Variants in LUZP2 observed in about 807,000 individuals in gnomAD.
The protein encoded by LUZP2 is leucine zipper protein 2.
A neutral mutation model predicts 51.6 loss-of-function variants in LUZP2; 52 were observed. That is an observed-to-expected ratio of 1.01 (90% CI 0.81 to 1.27). LUZP2 has a LOEUF of 1.27. Among genes scored for constraint, LUZP2 ranks in the 50% most tolerant of loss-of-function variants. The pLI is 0.00. For synonymous variants in LUZP2, 154 were observed against 137.3 expected (o/e 1.12, Z -0.85); for missense variants, 436 against 395.4 (o/e 1.10, Z -0.87).
chr11:25,014,710 C>G (rs1461733908), intron 9 of LUZP2, among the ~76,000 whole-genome samples: 3 of 152,166 alleles, frequency 2.0e-5, no homozygotes, highest in Admixed American at 2.0e-4. Flanking sequence ...TACCTGTTCA[C>G]TCTGATGGTA....
chr11:24,800,771 A>T (rs1849674654), intron 5 of LUZP2, among the ~76,000 whole-genome samples: 1 of 152,158 alleles, frequency 6.6e-6, no homozygotes, highest in Non-Finnish European at 1.5e-5. Flanking sequence ...AAAGTTAAGA[A>T]AACATAAGAA....
intron 1 of LUZP2, among the ~76,000 whole-genome samples, chr11:24,665,653 C>T (rs554486325): frequency 2.0e-5 from 3 of 152,160 alleles, no homozygotes; most frequent in East Asian, 1.9e-4. Context: ...GTCATGCGCT[C>T]GGATGGTTTT....
rs1376984967 is a variant in LUZP2 at position 24,543,708 on chromosome 11, C to T, written c.62+46403C>T. 3.3e-5 allele frequency among the ~76,000 whole-genome samples: 5 copies of T among 150,100 alleles called. No individual in the cohort carries two copies. In the East Asian group the frequency reaches 9.9e-4, roughly 30 times the overall value. On this transcript the variant is annotated intron_variant, in intron 1 of 11. Transcript: ENST00000336930. ...TGGTGGTGCGTGACTGTAATCCCAG[C>T]TACTCAGGAAGCTGAGGCAGGAGAA...
intron 5 of LUZP2, among the ~76,000 whole-genome samples, chr11:24,798,880 C>A (rs748234477): frequency 1.5e-4 from 23 of 152,060 alleles, no homozygotes; most frequent in African/African-American, 5.3e-4. Flanking sequence ...AAAGAAGTGC[C>A]ACCAGTGCAA....
chr11:24,964,974 A>G (rs1310620452), intron 7 of LUZP2, among the ~76,000 whole-genome samples: 4 of 151,840 alleles, frequency 2.6e-5, no homozygotes, highest in African/African-American at 7.2e-5. Flanking sequence ...TTCAGAAAGT[A>G]CAATTTCTAG....
chr11:24,810,564 A>G (rs895053645), intron 5 of LUZP2, among the ~76,000 whole-genome samples: 2 of 152,188 alleles, frequency 1.3e-5, no homozygotes, highest in Non-Finnish European at 2.9e-5. Flanking sequence ...GAAACAACAC[A>G]GTTAATGTAC....
Position 24,765,339 on chromosome 11 carries a change from A to C in LUZP2, c.396+2031A>C, listed in dbSNP as rs181609631. The stretch of plus-strand genomic sequence containing the variant: ...GTGGTGAGGGAGATAAAACAGATAC[A>C]AATAAATTTCTGGAAGAAGTTTGAA... On this transcript the variant is annotated intron_variant, in intron 5 of 11. Transcript: ENST00000336930. 9.8e-5 allele frequency among the ~76,000 whole-genome samples: 15 copies of C among 152,312 alleles called. No individual in the cohort carries two copies. The East Asian group carries it at 2.1e-3, about 22-fold the overall frequency.
chr11:24,820,134 A>G (rs1478817343), intron 5 of LUZP2, among the ~76,000 whole-genome samples: 1 of 152,132 alleles, frequency 6.6e-6, no homozygotes, highest in African/African-American at 2.4e-5. Context: ...TATTTGAAAT[A>G]AAGTGTGGAA....
intron 9 of LUZP2, among the ~76,000 whole-genome samples, chr11:25,016,847 TCA>T (rs1458356394): frequency 1.7e-4 from 26 of 152,206 alleles, no homozygotes; most frequent in East Asian, 1.9e-4. Context: ...TGAGAAATCG[TCA>T]CACGTTTTTC....
At chr11:24,597,173 A>G (rs1853470680) in intron 1 of LUZP2, among the ~76,000 whole-genome samples, 1 of 152,208 alleles carries the variant, frequency 6.6e-6, no homozygotes, top group Admixed American at 6.5e-5. Context: ...TTAAATAGGT[A>G]TACTATATGT....
At chr11:24,594,390 T>C (rs1853360441) in intron 1 of LUZP2, among the ~76,000 whole-genome samples, 1 of 152,152 alleles carries the variant, frequency 6.6e-6, no homozygotes, top group Non-Finnish European at 1.5e-5. Flanking sequence ...CAGGAATCAA[T>C]AAAAATTAGA....
intron 1 of LUZP2, among the ~76,000 whole-genome samples, chr11:24,604,770 T>A (rs1853857295): frequency 6.6e-6 from 1 of 151,878 alleles, no homozygotes; most frequent in Admixed American, 6.6e-5. Flanking sequence ...GTCATGAGAA[T>A]CTTCACTTGT....
At chr11:24,678,911 G>C (rs370739284) in intron 1 of LUZP2, among the ~76,000 whole-genome samples, 1 of 152,150 alleles carries the variant, frequency 6.6e-6, no homozygotes, top group East Asian at 1.9e-4. Context: ...ATAGTGCTGC[G>C]TCCAGGCATC....
At chr11:24,878,978 T>G (rs1239309141) in intron 5 of LUZP2, among the ~76,000 whole-genome samples, 3 of 151,834 alleles carry the variant, frequency 2.0e-5, no homozygotes, top group Non-Finnish European at 4.4e-5. Flanking sequence ...TTTATTTATT[T>G]ATTTATTTTT....
chr11:24,933,511 C>T (rs898414269), intron 7 of LUZP2, among the ~76,000 whole-genome samples: 4 of 152,162 alleles, frequency 2.6e-5, no homozygotes, highest in African/African-American at 9.7e-5. Flanking sequence ...CATGTATTAT[C>T]TATCAGGCAC....
chr11:24,772,421 G>A (rs989645362), intron 5 of LUZP2, among the ~76,000 whole-genome samples: 3 of 152,172 alleles, frequency 2.0e-5, no homozygotes, highest in African/African-American at 7.2e-5. Context: ...AGATGAATAG[G>A]TGTAGGAGTT....
intron 1 of LUZP2, among the ~76,000 whole-genome samples, chr11:24,720,582 C>A (rs1456619716): frequency 6.6e-6 from 1 of 152,164 alleles, no homozygotes; most frequent in Non-Finnish European, 1.5e-5. Flanking sequence ...ACAAATTACT[C>A]CAAAGCCTAA....
chr11:24,963,760 G>A (rs375968215), intron 7 of LUZP2, among the ~76,000 whole-genome samples: 1 of 152,210 alleles, frequency 6.6e-6, no homozygotes, highest in South Asian at 2.1e-4. Context: ...CGTGCACGGT[G>A]CGCTGCATCC....
At chr11:24,992,774 A>G (rs1280660857) in intron 9 of LUZP2, among the ~76,000 whole-genome samples, 2 of 152,108 alleles carry the variant, frequency 1.3e-5, no homozygotes, top group Non-Finnish European at 2.9e-5. Flanking sequence ...TACAAGTTGT[A>G]CTATCTATTT....
Sources: allele counts gnomAD v4.1 joint callset (sites outside exome capture counted in the v4.1 genomes callset), GRCh38; gene constraint gnomAD v4.1.1; transcripts MANE v1.5; gene names NCBI Gene and HGNC (gene_info 2026-07-23, HGNC 2026-07-21).